The following BLTP3B variants were observed in gnomAD, a reference collection of about 807,000 sequenced individuals.
BLTP3B encodes UHRF1 (ICBP90) binding protein 1-like.
chr12:100,089,437 G>A, the BLTP3B span, among the ~76,000 whole-genome samples: 2 of 152,122 alleles, frequency 1.3e-5, no homozygotes, highest in African/African-American at 2.4e-5. Flanking sequence ...CCGCATGCCT[G>A]TAATCCCAGC....
the BLTP3B span, among the ~76,000 whole-genome samples, chr12:100,131,054 T>C: frequency 5.4e-5 from 8 of 148,268 alleles, 1 homozygote; most frequent in African/African-American, 2.0e-4. Context: ...TTGCCATATC[T>C]TAAAATCACT....
chr12:100,130,909 C>T, the BLTP3B span, among the ~76,000 whole-genome samples: 45 of 144,572 alleles, frequency 3.1e-4, no homozygotes, highest in African/African-American at 1.2e-3. Flanking sequence ...GAATGAAACT[C>T]TATCTCAAAA....
At chr12:100,102,687 T>G in the BLTP3B span, 8 of 1,010,426 alleles carry the variant, frequency 7.9e-6, no homozygotes, top group Non-Finnish European at 1.0e-5. Context: ...ATAGAGGCCA[T>G]TTGAGGTTAA....
chr12:100,058,113 T>C, the BLTP3B span: 1 of 1,613,042 alleles, frequency 6.2e-7, no homozygotes, highest in Non-Finnish European at 8.5e-7. Flanking sequence ...TGAAGCTGCT[T>C]CTGGAAGCAA....
chr12:100,134,301 C>T, the BLTP3B span, among the ~76,000 whole-genome samples: 1 of 152,062 alleles, frequency 6.6e-6, no homozygotes, highest in Non-Finnish European at 1.5e-5. Flanking sequence ...GAAGACATCT[C>T]CAATTAAATA....
At chr12:100,098,899 ACT>A in the BLTP3B span, among the ~76,000 whole-genome samples, 1 of 143,232 alleles carries the variant, frequency 7.0e-6, no homozygotes, top group Non-Finnish European at 1.5e-5. Flanking sequence ...ACAGAGCAAG[ACT>A]CTGTCTAAAA....
the BLTP3B span, among the ~76,000 whole-genome samples, chr12:100,126,300 G>A: frequency 2.0e-5 from 3 of 152,140 alleles, no homozygotes; most frequent in African/African-American, 7.2e-5. Flanking sequence ...AGGTAGTTTG[G>A]AAAGAAACAA....
chr12:100,094,572 C>T, the BLTP3B span, among the ~76,000 whole-genome samples: 6 of 152,168 alleles, frequency 3.9e-5, no homozygotes, highest in African/African-American at 1.4e-4. Context: ...CATTGAAAGC[C>T]TAGGCCGGGC....
At chr12:100,142,515 C>G in the BLTP3B span, 1,127 of 1,511,004 alleles carry the variant, frequency 7.5e-4, 12 homozygotes, top group African/African-American at 0.014. Flanking sequence ...GGCGCCGCCG[C>G]CCCCGAAGCC....
At chr12:100,039,147 GT>G in the BLTP3B span, among the ~76,000 whole-genome samples, 2 of 148,462 alleles carry the variant, frequency 1.3e-5, no homozygotes, top group Non-Finnish European at 3.0e-5. Context: ...TGAACATTTT[GT>G]TTCTTTATAA....
the BLTP3B span, among the ~76,000 whole-genome samples, chr12:100,109,922 T>C: frequency 6.6e-5 from 10 of 152,230 alleles, no homozygotes; most frequent in Non-Finnish European, 7.3e-5. Context: ...ACCCAATTTT[T>C]GAATAAGTAA....
chr12:100,079,077 AC>A, the BLTP3B span, among the ~76,000 whole-genome samples: 1 of 152,112 alleles, frequency 6.6e-6, no homozygotes, highest in Admixed American at 6.5e-5. Flanking sequence ...CGTCTATTAA[AC>A]TTTTTTCCTG....
the BLTP3B span, among the ~76,000 whole-genome samples, chr12:100,094,519 T>TA: frequency 1.3e-5 from 2 of 152,142 alleles, no homozygotes; most frequent in Non-Finnish European, 1.5e-5. Context: ...CCCTGCACCT[T>TA]AGGAAATAGT....
At chr12:100,052,022 G>A in the BLTP3B span, 1 of 150,878 alleles carries the variant, frequency 6.6e-6, no homozygotes, top group Non-Finnish European at 1.5e-5. Flanking sequence ...TTGCACTCTA[G>A]GACAGAGTGA....
chr12:100,125,335 C>CAAA, the BLTP3B span, among the ~76,000 whole-genome samples: 292 of 74,064 alleles, frequency 3.9e-3, 5 homozygotes, highest in East Asian at 0.058. Context: ...GTTTCCATCT[C>CAAA]AAAAAAAAAA....
chr12:100,109,767 GAA>G, the BLTP3B span, among the ~76,000 whole-genome samples: 43 of 111,550 alleles, frequency 3.9e-4, no homozygotes, highest in African/African-American at 5.2e-4. Flanking sequence ...CCCTGTCTCA[GAA>G]AAAAAAAAAA....
the BLTP3B span, chr12:100,072,768 A>T: frequency 6.2e-7 from 1 of 1,605,324 alleles, no homozygotes; most frequent in East Asian, 2.2e-5. Flanking sequence ...TTATTGCAGC[A>T]AATCATGCTT....
the BLTP3B span, among the ~76,000 whole-genome samples, chr12:100,140,729 A>ATATATATAT: frequency 3.3e-5 from 2 of 61,488 alleles, no homozygotes; most frequent in African/African-American, 2.0e-4. Flanking sequence ...AAAAAAAAAA[A>ATATATATAT]ATATATATAT....
the BLTP3B span, among the ~76,000 whole-genome samples, chr12:100,133,698 G>A: frequency 1.3e-5 from 2 of 152,146 alleles, no homozygotes; most frequent in Non-Finnish European, 2.9e-5. Flanking sequence ...CAGGATTCTA[G>A]TATGCTAATA....
Sources: allele counts gnomAD v4.1 joint callset (sites outside exome capture counted in the v4.1 genomes callset), GRCh38; gene constraint gnomAD v4.1.1; transcripts MANE v1.5; gene names NCBI Gene and HGNC (gene_info 2026-07-23, HGNC 2026-07-21).